The following SASH1 variants were observed in gnomAD, a reference collection of about 807,000 sequenced individuals.
The protein encoded by SASH1 is SAM and SH3 domain-containing protein 1.
SASH1 carries 44 observed loss-of-function variants against 125.2 expected under a neutral mutation model. The observed-to-expected ratio is 0.35, with a 90% CI of 0.28 to 0.45. The LOEUF (loss-of-function observed/expected upper bound fraction) is 0.45. Ranked by LOEUF, SASH1 falls within the 20% of genes least tolerant of loss-of-function variation. SASH1 has a pLI of 1.00. For missense variants in SASH1, 1,426 were observed against 1,614.5 expected (o/e 0.88, Z 2.00); for synonymous variants, 639 against 649.1 (o/e 0.98, Z 0.24).
chr6:148,440,111 T>TA (rs1210533921), intron 2 of SASH1, 73 bp from the exon 3 acceptor site: 1 of 1,414,094 alleles, frequency 7.1e-7, no homozygotes, highest in African/African-American at 1.4e-5. Flanking sequence ...CCTCTCTTCT[T>TA]ACATGTCTAT....
At chr6:148,303,041 C>T (rs937892303) in intron 1 of SASH1, among the ~76,000 whole-genome samples, 8 of 152,092 alleles carry the variant, frequency 5.3e-5, no homozygotes, top group Non-Finnish European at 8.8e-5. Context: ...AGTGCAATGG[C>T]GCGATCTCAG....
At chr6:148,234,590 C>T in the SASH1 span, among the ~76,000 whole-genome samples, 1 of 151,924 alleles carries the variant, frequency 6.6e-6, no homozygotes, top group African/African-American at 2.4e-5. Flanking sequence ...CTTTGGGAGG[C>T]CAAGGCAGGT....
At chr6:148,321,109 C>T (rs960210841) in intron 1 of SASH1, among the ~76,000 whole-genome samples, 1 of 152,142 alleles carries the variant, frequency 6.6e-6, no homozygotes, top group Admixed American at 6.6e-5. Flanking sequence ...AAGGTAATGG[C>T]AGGCCAGGCG....
intron 7 of SASH1, among the ~76,000 whole-genome samples, chr6:148,474,752 T>C (rs1179406387): frequency 6.6e-6 from 1 of 152,104 alleles, no homozygotes; most frequent in African/African-American, 2.4e-5. Flanking sequence ...TTAAATTTTT[T>C]ACAGAGACAG....
chr6:148,498,537 C>T (rs1001825940), intron 8 of SASH1, among the ~76,000 whole-genome samples: 2 of 152,046 alleles, frequency 1.3e-5, no homozygotes, highest in Non-Finnish European at 2.9e-5. Flanking sequence ...ATTACGGATA[C>T]AATTTGGTCT....
chr6:148,308,697 C>T (rs1295262591), intron 1 of SASH1, among the ~76,000 whole-genome samples: 3 of 142,338 alleles, frequency 2.1e-5, no homozygotes, highest in Non-Finnish European at 4.6e-5. Flanking sequence ...CACCTGGCAA[C>T]TTAGGAGCTT....
chr6:148,412,411 A>G (rs1784665563), intron 2 of SASH1, among the ~76,000 whole-genome samples: 1 of 152,192 alleles, frequency 6.6e-6, no homozygotes, highest in Admixed American at 6.5e-5. Flanking sequence ...ATGAAAGAAA[A>G]AGTTGCTTTA....
At chr6:148,416,303 C>T (rs4373377) in intron 2 of SASH1, among the ~76,000 whole-genome samples, 64,659 of 133,148 alleles carry the variant, frequency 0.49, 13,833 homozygotes, top group East Asian at 0.54. Flanking sequence ...AAGGTTGTTT[C>T]TTTTTTTCTT....
intron 17 of SASH1, among the ~76,000 whole-genome samples, chr6:148,542,309 T>C (rs1782266475): frequency 6.6e-6 from 1 of 152,222 alleles, no homozygotes; most frequent in Non-Finnish European, 1.5e-5. Flanking sequence ...TTCTAATAAT[T>C]TTCTATTTCA....
intron 4 of SASH1, among the ~76,000 whole-genome samples, chr6:148,458,704 A>C (rs6913360): frequency 1.9e-3 from 285 of 152,190 alleles, no homozygotes; most frequent in African/African-American, 6.6e-3. Flanking sequence ...GGGGGCTCAC[A>C]CCTGTAATCC....
chr6:148,400,365 C>T (rs912949559), intron 2 of SASH1, among the ~76,000 whole-genome samples: 1 of 152,254 alleles, frequency 6.6e-6, no homozygotes, highest in African/African-American at 2.4e-5. Flanking sequence ...ACACACTACA[C>T]CTGACATTGT....
At chr6:148,194,872 C>G in the SASH1 span, among the ~76,000 whole-genome samples, 49 of 152,346 alleles carry the variant, frequency 3.2e-4, no homozygotes, top group African/African-American at 1.1e-3. Context: ...CGCCACTGCA[C>G]TCCAGCCTGG....
Position 148,441,717 on chromosome 6 carries a change from T to C in SASH1, c.386+1310T>C, listed in dbSNP as rs1185331135. Among the ~76,000 whole-genome samples the C allele has an allele frequency of 1.4e-4, 22 of 152,142 alleles. 2 individuals are homozygous for C. The highest frequency in any genetic ancestry group is 1.4e-3 in the Admixed American group (22 of 15,278). On this transcript the variant is annotated intron_variant, in intron 4 of 19. Coordinates refer to ENST00000367467, the MANE Select transcript of SASH1 (RefSeq NM_015278.5). ...TCTGAATCCTTCAGGAAACGAGAAATGTTTGCTCTTCCTCCTAAGAGGAAG... is the reference window on the plus strand; with the variant it reads ...TCTGAATCCTTCAGGAAACGAGAAACGTTTGCTCTTCCTCCTAAGAGGAAG...
the SASH1 span, among the ~76,000 whole-genome samples, chr6:148,216,800 G>A: frequency 6.6e-6 from 1 of 151,480 alleles, no homozygotes; most frequent in African/African-American, 2.4e-5. Flanking sequence ...GTGCAATCTC[G>A]GCTCACTGCA....
chr6:148,277,805 C>T (rs556769463), intron 1 of SASH1, among the ~76,000 whole-genome samples: 1 of 152,180 alleles, frequency 6.6e-6, no homozygotes, highest in East Asian at 1.9e-4. Context: ...CAAGCTCCGC[C>T]TCCCGGGTTC....
intron 8 of SASH1, among the ~76,000 whole-genome samples, chr6:148,497,409 G>A (rs1779360348): frequency 1.3e-5 from 2 of 152,332 alleles, no homozygotes; most frequent in South Asian, 4.1e-4. Context: ...GGAAGCTGTT[G>A]CCTCTACTAG....
At chr6:148,528,305 A>T (rs1781312235) in intron 12 of SASH1, among the ~76,000 whole-genome samples, 1 of 151,754 alleles carries the variant, frequency 6.6e-6, no homozygotes, top group African/African-American at 2.4e-5. Flanking sequence ...TTTTCAAGAC[A>T]CTCTCCTCCA....
intron 2 of SASH1, among the ~76,000 whole-genome samples, chr6:148,437,369 C>T (rs550843904): frequency 1.3e-5 from 2 of 152,166 alleles, no homozygotes; most frequent in African/African-American, 2.4e-5. Context: ...ATTAAGAAGA[C>T]GTCCTGAAAA....
intron 1 of SASH1, among the ~76,000 whole-genome samples, chr6:148,312,119 G>A (rs1780347339): frequency 6.6e-6 from 1 of 152,186 alleles, no homozygotes. Flanking sequence ...TCAGATCAGT[G>A]TTTTCTGGAG....
Sources: gnomAD v4.1 joint callset for allele counts (sites outside exome capture counted in the v4.1 genomes callset) on GRCh38, gnomAD v4.1.1 for gene constraint, MANE v1.5 for transcripts, NCBI Gene and HGNC (gene_info 2026-07-23, HGNC 2026-07-21) for gene names.